The following ANKS1B variants were observed in gnomAD, a reference collection of about 807,000 sequenced individuals.
The protein encoded by ANKS1B is ankyrin repeat and sterile alpha motif domain-containing protein 1B.
Under a neutral mutation model 148.3 loss-of-function variants are expected in ANKS1B, and 36 were observed. The ratio of observed to expected loss-of-function variants is 0.24; its 90% CI spans 0.19 to 0.32. The LOEUF (loss-of-function observed/expected upper bound fraction) is 0.32, where lower values mean the gene tolerates loss of function less well. ANKS1B is among the 10% of genes least tolerant of loss of function. ANKS1B has a pLI of 1.00. For missense variants in ANKS1B, 1,157 were observed against 1,542.6 expected, an observed-to-expected ratio of 0.75 and a Z score of 4.19; for synonymous variants, 542 against 560.8, an observed-to-expected ratio of 0.97 and a Z score of 0.47.
chr12:99,957,836 G>A (rs938142540), intron 1 of ANKS1B, among the ~76,000 whole-genome samples: 2 of 152,154 alleles, frequency 1.3e-5, no homozygotes, highest in Non-Finnish European at 2.9e-5. Context: ...ATTAGCATGT[G>A]CCCTGTTCTG....
At chr12:99,879,665 C>A (rs892784598) in intron 1 of ANKS1B, among the ~76,000 whole-genome samples, 5 of 152,096 alleles carry the variant, frequency 3.3e-5, no homozygotes, top group Non-Finnish European at 5.9e-5. Flanking sequence ...ACAATTCTTC[C>A]ATATGCTTTC....
chr12:99,845,766 C>T (rs943523297), intron 1 of ANKS1B, among the ~76,000 whole-genome samples: 4 of 151,888 alleles, frequency 2.6e-5, no homozygotes, highest in Non-Finnish European at 5.9e-5. Flanking sequence ...ACTTCCTTTT[C>T]GATTTTTTTG....
At chr12:99,882,696 A>G (rs1462364023) in intron 1 of ANKS1B, among the ~76,000 whole-genome samples, 1 of 152,188 alleles carries the variant, frequency 6.6e-6, no homozygotes, top group Non-Finnish European at 1.5e-5. Flanking sequence ...GGTGCAGTGT[A>G]CACTGCTTGG....
At chr12:99,238,458 G>T (rs1166532437) in intron 14 of ANKS1B, among the ~76,000 whole-genome samples, 1 of 152,222 alleles carries the variant, frequency 6.6e-6, no homozygotes, top group Non-Finnish European at 1.5e-5. Context: ...TGCCTCTCTA[G>T]ATTCCACCTC....
At chr12:99,004,991 G>C (rs1471874723) in intron 17 of ANKS1B, among the ~76,000 whole-genome samples, 1 of 152,136 alleles carries the variant, frequency 6.6e-6, no homozygotes, top group Non-Finnish European at 1.5e-5. Context: ...CCCTCGCAAG[G>C]AGCAGAGGAG....
chr12:99,199,978 A>C (rs767296405), intron 14 of ANKS1B, among the ~76,000 whole-genome samples: 1 of 152,200 alleles, frequency 6.6e-6, no homozygotes, highest in Non-Finnish European at 1.5e-5. Context: ...CAAAGGAAGA[A>C]CAGGAGAGGG....
intron 11 of ANKS1B, among the ~76,000 whole-genome samples, chr12:99,415,021 C>T (rs1490853932): frequency 6.6e-6 from 1 of 152,110 alleles, no homozygotes; most frequent in Non-Finnish European, 1.5e-5. Context: ...TGTATACACA[C>T]ATGAGAGGAT....
intron 1 of ANKS1B, among the ~76,000 whole-genome samples, chr12:99,950,528 T>G (rs2095191196): frequency 6.6e-6 from 1 of 152,178 alleles, no homozygotes; most frequent in Admixed American, 6.5e-5. Flanking sequence ...CTGAGCCAGA[T>G]AATGTAATGT....
intron 17 of ANKS1B, among the ~76,000 whole-genome samples, chr12:99,035,612 T>C (rs1261664511): frequency 1.3e-5 from 2 of 152,114 alleles, no homozygotes; most frequent in Non-Finnish European, 2.9e-5. Flanking sequence ...AGTAATCTGC[T>C]TGAATGTGAA....
intron 9 of ANKS1B, among the ~76,000 whole-genome samples, chr12:99,581,154 A>C (rs563852758): frequency 6.6e-6 from 1 of 152,228 alleles, no homozygotes; most frequent in African/African-American, 2.4e-5. Flanking sequence ...TGATTTCAAG[A>C]CTTAATACAA....
intron 17 of ANKS1B, among the ~76,000 whole-genome samples, chr12:98,854,547 G>A (rs1467878982): frequency 6.6e-6 from 1 of 152,222 alleles, no homozygotes; most frequent in Non-Finnish European, 1.5e-5. Context: ...GGTTATGCAA[G>A]TCTGTTAGAT....
intron 9 of ANKS1B, among the ~76,000 whole-genome samples, chr12:99,523,564 T>C: frequency 6.7e-6 from 1 of 149,888 alleles, no homozygotes; most frequent in Non-Finnish European, 1.5e-5. Flanking sequence ...TTTTTTTTTT[T>C]TTTTTTTGAG....
In ANKS1B at chr12:99,019,483, A is replaced by G. The variant is rs193189095; in HGVS notation, c.2778+33674T>C. On this transcript the variant is annotated intron_variant, in intron 17 of 26. Coordinates refer to ENST00000683438, the MANE Select transcript of ANKS1B (RefSeq NM_001352186.2). ...CAAATGATCAAAGCAAGTATTTTGAAGAAATAAATGATGTGAAATAACTGA... is the reference window on the plus strand; with the variant it reads ...CAAATGATCAAAGCAAGTATTTTGAGGAAATAAATGATGTGAAATAACTGA... Among the ~76,000 whole-genome samples the G allele has an allele frequency of 1.1e-4, 16 of 152,310 alleles. No homozygotes were observed. In the East Asian group the frequency reaches 2.9e-3, roughly 27 times the overall value.
intron 9 of ANKS1B, chr12:98,735,662 T>C (rs780661111): frequency 1.6e-5 from 12 of 752,578 alleles, no homozygotes; most frequent in Non-Finnish European, 2.8e-5. Flanking sequence ...CATTTATTTA[T>C]TCACTTAGTT....
chr12:99,493,911 T>C (rs2096578299), intron 10 of ANKS1B, among the ~76,000 whole-genome samples: 1 of 152,076 alleles, frequency 6.6e-6, no homozygotes, highest in Non-Finnish European at 1.5e-5. Context: ...CTTCAGCATG[T>C]TGATTGTAAC....
intron 15 of ANKS1B, among the ~76,000 whole-genome samples, chr12:99,114,472 G>A (rs1600286659): frequency 6.6e-6 from 1 of 152,106 alleles, no homozygotes; most frequent in African/African-American, 2.4e-5. Flanking sequence ...TTTAAACAGG[G>A]TGGGCATGGT....
intron 8 of ANKS1B, among the ~76,000 whole-genome samples, chr12:99,689,707 T>C (rs759972932): frequency 3.3e-5 from 5 of 152,308 alleles, no homozygotes; most frequent in East Asian, 1.9e-4. Flanking sequence ...GAGACAGCCA[T>C]GTGGCTAGAA....
chr12:99,039,112 C>A (rs570426398), intron 17 of ANKS1B, among the ~76,000 whole-genome samples: 6 of 152,352 alleles, frequency 3.9e-5, no homozygotes, highest in Non-Finnish European at 1.5e-5. Flanking sequence ...AATATAAATA[C>A]TACATATACT....
intron 9 of ANKS1B, among the ~76,000 whole-genome samples, chr12:99,529,751 T>C (rs755137783): frequency 2.0e-5 from 3 of 152,322 alleles, no homozygotes; most frequent in South Asian, 2.1e-4. Context: ...CCATAATCAC[T>C]AAGCTAGTTC....
Sources: allele counts gnomAD v4.1 joint callset (sites outside exome capture counted in the v4.1 genomes callset), GRCh38; gene constraint gnomAD v4.1.1; transcripts MANE v1.5; gene names NCBI Gene and HGNC (gene_info 2026-07-23, HGNC 2026-07-21).